Variants in NXN observed in about 807,000 individuals in gnomAD.
NXN encodes the protein nucleoredoxin 1.
A neutral mutation model predicts 48.6 loss-of-function variants in NXN; 16 were observed. The observed-to-expected ratio is 0.33, with a 90% CI of 0.22 to 0.50. The LOEUF is 0.50. Ranked by LOEUF, NXN falls within the 20% of genes least tolerant of loss-of-function variation. NXN has a pLI of 0.98. For synonymous variants in NXN, 281 were observed against 269.6 expected (o/e 1.04, Z -0.41); for missense variants, 492 against 605.5 (o/e 0.81, Z 1.97).
At chr17:944,116 G>A (rs908767171) in intron 1 of NXN, among the ~76,000 whole-genome samples, 4 of 150,956 alleles carry the variant, frequency 2.6e-5, no homozygotes, top group Non-Finnish European at 4.4e-5. Context: ...ACGGGTGCCT[G>A]TAATCCCAGC....
intron 1 of NXN, among the ~76,000 whole-genome samples, chr17:859,554 T>C (rs1463191599): frequency 6.6e-6 from 1 of 152,072 alleles, no homozygotes; most frequent in Non-Finnish European, 1.5e-5. Context: ...GATAATCTTG[T>C]ATGAAAAGGA....
chr17:875,786 C>G (rs1459061169), intron 1 of NXN, among the ~76,000 whole-genome samples: 1 of 151,314 alleles, frequency 6.6e-6, no homozygotes, highest in African/African-American at 2.4e-5. Flanking sequence ...AATTGTAGAA[C>G]CCGGTCTCAT....
intron 1 of NXN, among the ~76,000 whole-genome samples, chr17:869,402 G>T (rs2068127811): frequency 6.6e-6 from 1 of 152,084 alleles, no homozygotes; most frequent in South Asian, 2.1e-4. Context: ...GTTCCAGGGG[G>T]GCTGCCTGAC....
intron 5 of NXN, among the ~76,000 whole-genome samples, chr17:815,026 A>G (rs1220412117): frequency 6.6e-6 from 1 of 152,228 alleles, no homozygotes; most frequent in Non-Finnish European, 1.5e-5. Context: ...TCGGCCTCCC[A>G]AAGTCCAGGG....
chr17:839,471 G>A (rs1009246873), intron 1 of NXN, among the ~76,000 whole-genome samples: 2 of 151,520 alleles, frequency 1.3e-5, no homozygotes, highest in African/African-American at 4.9e-5. Flanking sequence ...AACATAGGAA[G>A]TGTTCAAATA....
chr17:924,607 A>G (rs2068780645), intron 1 of NXN, among the ~76,000 whole-genome samples: 1 of 152,180 alleles, frequency 6.6e-6, no homozygotes, highest in Non-Finnish European at 1.5e-5. Flanking sequence ...GTTCCGGTGG[A>G]CCGTCCTGCA....
intron 1 of NXN, chr17:896,865 C>A: frequency 1.2e-6 from 1 of 816,922 alleles, no homozygotes; most frequent in Admixed American, 3.0e-5. Flanking sequence ...CCACCCGCCC[C>A]CGGCCCCTCA....
In NXN at chr17:969,169, G is replaced by T. The variant is rs139602094; in HGVS notation, c.360+10150C>A. On this transcript the variant is annotated intron_variant, in intron 1 of 7. Coordinates refer to ENST00000336868, the MANE Select transcript of NXN (RefSeq NM_022463.5). ...CCTGGTAAACATTTAAACGGCACGT[G>T]CTATGCACCAGGCACCATCCTAAGT... 7.2e-5 allele frequency among the ~76,000 whole-genome samples: 11 copies of T among 152,234 alleles called. No homozygotes were observed. The East Asian group carries it at 2.1e-3, about 29-fold the overall frequency.
rs866199034 is a variant in NXN, at chr17:841,572, G to A, written c.361-15494C>T. Among the ~76,000 whole-genome samples, 274 of 91,306 alleles carry A rather than the reference G, an allele frequency of 3.0e-3. 8 individuals are homozygous for A. Among genetic ancestry groups the A allele is most frequent in the Middle Eastern group, 0.012 (2 of 166 alleles). The allele number at this position is 91,306 out of a possible 152,430, so 59.9% of individuals were successfully genotyped here. Reference sequence around the variant, plus strand: ...CGGCGAGCAGGTCCCCCCTGACCACGGAGCATCTCACGCCGGCGAGCAGGT... The same window carrying A: ...CGGCGAGCAGGTCCCCCCTGACCACAGAGCATCTCACGCCGGCGAGCAGGT... On this transcript the variant is annotated intron_variant, in intron 1 of 7. Coordinates refer to ENST00000336868, the MANE Select transcript of NXN (RefSeq NM_022463.5).
At chr17:938,461 C>T (rs2068933662) in intron 1 of NXN, among the ~76,000 whole-genome samples, 1 of 150,978 alleles carries the variant, frequency 6.6e-6, no homozygotes, top group African/African-American at 2.5e-5. Flanking sequence ...GCAGGCGGAT[C>T]ACGAGGTCAG....
chr17:874,296 T>C (rs571836575), intron 1 of NXN, among the ~76,000 whole-genome samples: 2 of 152,244 alleles, frequency 1.3e-5, no homozygotes, highest in South Asian at 2.1e-4. Context: ...CCTTTATAAA[T>C]TACCCAGTCT....
intron 1 of NXN, among the ~76,000 whole-genome samples, chr17:971,586 T>C (rs1411560750): frequency 2.0e-5 from 3 of 151,648 alleles, no homozygotes; most frequent in Non-Finnish European, 4.4e-5. Flanking sequence ...GGCGGGCACC[T>C]GTGGTCCCAG....
At chr17:814,765 C>T (rs1912373461) in intron 5 of NXN, among the ~76,000 whole-genome samples, 1 of 152,016 alleles carries the variant, frequency 6.6e-6, no homozygotes, top group African/African-American at 2.4e-5. Flanking sequence ...GTGGCTCACG[C>T]CTGTAATCCC....
chr17:843,757 A>G (rs1348602946), intron 1 of NXN, among the ~76,000 whole-genome samples: 1 of 152,052 alleles, frequency 6.6e-6, no homozygotes. Flanking sequence ...TGCCACGCTC[A>G]CTCTGAGTAG....
At chr17:801,206 C>T (rs1911185865) in intron 7 of NXN, 75 bp from the exon 8 acceptor site, 1 of 1,230,738 alleles carries the variant, frequency 8.1e-7, no homozygotes, top group Non-Finnish European at 1.1e-6. Flanking sequence ...GGCCCAGTCT[C>T]CCCAGGTGTG....
At chr17:810,815 G>A (rs113896174) in intron 5 of NXN, among the ~76,000 whole-genome samples, 9,574 of 152,178 alleles carry the variant, frequency 0.063, 352 homozygotes, top group Middle Eastern at 0.092. Context: ...CTTGAACGCG[G>A]GAGGCAGAGC....
intron 5 of NXN, among the ~76,000 whole-genome samples, chr17:808,670 A>T (rs1004406823): frequency 3.7e-5 from 5 of 133,994 alleles, no homozygotes; most frequent in Non-Finnish European, 7.8e-5. Context: ...CTATTATTAT[A>T]AACCAGTTTT....
intron 1 of NXN, among the ~76,000 whole-genome samples, chr17:872,613 C>CTTTTTTTT (rs34081114): frequency 2.0e-4 from 15 of 75,420 alleles, no homozygotes; most frequent in African/African-American, 2.7e-4. Context: ...CGGGTGAGAT[C>CTTTTTTTT]TTTTTTTTTT....
chr17:901,924 T>C (rs1225480427), intron 1 of NXN, among the ~76,000 whole-genome samples: 1 of 152,084 alleles, frequency 6.6e-6, no homozygotes, highest in Non-Finnish European at 1.5e-5. Context: ...GGTCTCAAAC[T>C]CCTGACCTCA....
Sources: allele counts gnomAD v4.1 joint callset (sites outside exome capture counted in the v4.1 genomes callset), GRCh38; gene constraint gnomAD v4.1.1; transcripts MANE v1.5; gene names NCBI Gene and HGNC (gene_info 2026-07-23, HGNC 2026-07-21).